PRKCE: variants seen among roughly 807,000 people sequenced by gnomAD.
PRKCE encodes the protein protein kinase C epsilon, also known as protein kinase C epsilon type.
PRKCE carries 16 observed loss-of-function variants against 85.4 expected under a neutral mutation model. The ratio of observed to expected loss-of-function variants is 0.19; its 90% confidence interval spans 0.13 to 0.28. The LOEUF (loss-of-function observed/expected upper bound fraction) is 0.28, where lower values mean the gene tolerates loss of function less well. PRKCE is among the 10% of genes least tolerant of loss of function. The pLI is 1.00. For missense variants in PRKCE, 573 were observed against 975.2 expected (o/e 0.59, Z 5.49); for synonymous variants, 388 against 371.5 (o/e 1.04, Z -0.51).
chr2:45,735,415 T>C (rs11675590), intron 1 of PRKCE, among the ~76,000 whole-genome samples: 10,529 of 152,288 alleles, frequency 0.069, 390 homozygotes, highest in African/African-American at 0.079. Context: ...GTCAAGACCA[T>C]AGACTTTGGG....
chr2:45,910,049 C>G (rs951104883), intron 2 of PRKCE, among the ~76,000 whole-genome samples: 1 of 151,890 alleles, frequency 6.6e-6, no homozygotes, highest in African/African-American at 2.4e-5. Flanking sequence ...CACCGCCCCC[C>G]CCCAGCCAAG....
At chr2:46,015,881 C>T (rs1421290382) in intron 10 of PRKCE, among the ~76,000 whole-genome samples, 2 of 152,090 alleles carry the variant, frequency 1.3e-5, no homozygotes, top group Non-Finnish European at 2.9e-5. Flanking sequence ...AGTGTGTGAG[C>T]AGGTTTGGTG....
chr2:45,707,479 C>T (rs1377950694), intron 1 of PRKCE, among the ~76,000 whole-genome samples: 1 of 152,190 alleles, frequency 6.6e-6, no homozygotes, highest in Non-Finnish European at 1.5e-5. Context: ...CTTCATTTGA[C>T]AGATGGGGGA....
At chr2:46,028,231 C>T (rs1247686624) in intron 10 of PRKCE, among the ~76,000 whole-genome samples, 4 of 152,280 alleles carry the variant, frequency 2.6e-5, no homozygotes, top group Non-Finnish European at 4.4e-5. Flanking sequence ...CGTGAGCCAC[C>T]GCGTCCGGCC....
At chr2:46,085,754 T>TA (rs1669570319) in intron 10 of PRKCE, among the ~76,000 whole-genome samples, 1 of 36,118 alleles carries the variant, frequency 2.8e-5, no homozygotes, top group African/African-American at 7.4e-5. Context: ...TTTTTGTTTT[T>TA]GTTTTTTTTT....
intron 1 of PRKCE, among the ~76,000 whole-genome samples, chr2:45,677,320 G>GT (rs1186479210): frequency 6.0e-4 from 76 of 126,354 alleles, no homozygotes; most frequent in African/African-American, 1.4e-3. Context: ...GCCAGTGAAG[G>GT]TTTTTTTTTT....
intron 1 of PRKCE, among the ~76,000 whole-genome samples, chr2:45,695,702 C>T (rs900697248): frequency 3.3e-5 from 5 of 152,110 alleles, no homozygotes; most frequent in Non-Finnish European, 5.9e-5. Flanking sequence ...AACCCGGAGG[C>T]GGAGGTTGCA....
At chr2:46,029,406 G>T (rs1449150001) in intron 10 of PRKCE, among the ~76,000 whole-genome samples, 1 of 152,152 alleles carries the variant, frequency 6.6e-6, no homozygotes, top group Admixed American at 6.6e-5. Context: ...TTATGGATAA[G>T]CACATTGAGG....
chr2:45,979,452 CT>C (rs1170994393), intron 4 of PRKCE, among the ~76,000 whole-genome samples: 1 of 152,134 alleles, frequency 6.6e-6, no homozygotes, highest in Non-Finnish European at 1.5e-5. Context: ...TGTCTAATCC[CT>C]TTTTTTGGTC....
At chr2:46,053,143 A>C (rs1326521992) in intron 10 of PRKCE, among the ~76,000 whole-genome samples, 1 of 152,242 alleles carries the variant, frequency 6.6e-6, no homozygotes, top group Non-Finnish European at 1.5e-5. Flanking sequence ...TGAATGTGAG[A>C]GAGAAAACCA....
At chr2:45,920,036 A>G (rs1318873808) in intron 2 of PRKCE, among the ~76,000 whole-genome samples, 1 of 152,212 alleles carries the variant, frequency 6.6e-6, no homozygotes, top group East Asian at 1.9e-4. Flanking sequence ...TACTCAGGCC[A>G]TGTCTGTACA....
chr2:46,037,927 T>G (rs2104985662), intron 10 of PRKCE, among the ~76,000 whole-genome samples: 1 of 152,340 alleles, frequency 6.6e-6, no homozygotes. Context: ...TGATGCTTAT[T>G]TTCTTTATCT....
chr2:45,735,897 T>G (rs1682016474), intron 1 of PRKCE, among the ~76,000 whole-genome samples: 1 of 152,252 alleles, frequency 6.6e-6, no homozygotes, highest in South Asian at 2.1e-4. Context: ...AACTACTATG[T>G]GCTAGGCACT....
chr2:46,086,846 G>A (rs1272544405), intron 11 of PRKCE, among the ~76,000 whole-genome samples: 2 of 152,112 alleles, frequency 1.3e-5, no homozygotes, highest in African/African-American at 2.4e-5. Flanking sequence ...CTTGGGTGGG[G>A]AACAAGGAAT....
Position 45,757,352 on chromosome 2 carries a change from G to T in PRKCE, c.349-85648G>T, listed in dbSNP as rs1261656637. On this transcript the variant is annotated intron_variant, in intron 1 of 14. Transcript: ENST00000306156. ...AAAAAAGAGTGTTCAATTGATTGTG[G>T]GTAAACTGTCCATTAATAAAGCTAT... is the stretch of plus-strand genomic sequence containing the variant. Among the ~76,000 whole-genome samples the T allele has an allele frequency of 2.0e-5, 3 of 147,330 alleles. No individual in the cohort carries two copies. In the East Asian group the frequency reaches 6.0e-4, roughly 29 times the overall value.
chr2:45,695,907 T>G (rs7586089), intron 1 of PRKCE, among the ~76,000 whole-genome samples: 2 of 152,186 alleles, frequency 1.3e-5, no homozygotes, highest in African/African-American at 2.4e-5. Context: ...TACACATCAG[T>G]GGTTAGAATA....
chr2:46,122,796 G>GT (rs1673433053), intron 11 of PRKCE, among the ~76,000 whole-genome samples: 1 of 150,294 alleles, frequency 6.7e-6, no homozygotes, highest in Admixed American at 6.6e-5. Flanking sequence ...GAGGCTTCAA[G>GT]TTTTAACATG....
chr2:46,083,468 C>T (rs1408058276), intron 10 of PRKCE, among the ~76,000 whole-genome samples: 1 of 152,188 alleles, frequency 6.6e-6, no homozygotes, highest in African/African-American at 2.4e-5. Flanking sequence ...GATTTGGAGT[C>T]TCCTAAACAC....
intron 1 of PRKCE, among the ~76,000 whole-genome samples, chr2:45,839,971 G>A (rs918755262): frequency 1.3e-5 from 2 of 152,220 alleles, no homozygotes; most frequent in African/African-American, 4.8e-5. Flanking sequence ...TTGCTATCTT[G>A]AATGTTAATA....
Sources: gnomAD v4.1 joint callset for allele counts (sites outside exome capture counted in the v4.1 genomes callset) on GRCh38, gnomAD v4.1.1 for gene constraint, MANE v1.5 for transcripts, NCBI Gene and HGNC (gene_info 2026-07-23, HGNC 2026-07-21) for gene names.